Variants in MYO18B observed in about 807,000 individuals in gnomAD.
The protein encoded by MYO18B is unconventional myosin-XVIIIb.
A neutral mutation model predicts 273.0 loss-of-function variants in MYO18B; 204 were observed. The ratio of observed to expected loss-of-function variants is 0.75; its 90% CI spans 0.67 to 0.84. The LOEUF is 0.84. Among genes scored for constraint, MYO18B ranks in the 40% least tolerant of loss-of-function variants. The pLI, the probability that MYO18B is intolerant of heterozygous loss-of-function variation, is 0.00. For synonymous variants in MYO18B, 1,330 were observed against 1,305.7 expected (o/e 1.02, Z -0.40); for missense variants, 3,212 against 3,287.6 (o/e 0.98, Z 0.56).
At chr22:26,032,841 G>T (rs150308841), downstream of MYO18B, among the ~76,000 whole-genome samples, 159 of 152,224 alleles carry the variant, frequency 1.0e-3, no homozygotes, top group African/African-American at 3.8e-3. Context: ...CTGTCACATT[G>T]TAAGGTATGG....
intron 42 of MYO18B, among the ~76,000 whole-genome samples, chr22:26,013,651 C>T (rs1335946243): frequency 2.0e-5 from 3 of 152,194 alleles, no homozygotes; most frequent in African/African-American, 7.2e-5. Flanking sequence ...AATGAATGTT[C>T]TGGTTGCTCT....
rs34887758 is a variant in MYO18B, at chr22:25,835,354, A to T, written c.3119A>T (p.Asp1040Val). The change falls in exon 17 of 44, where the codon GAT (aspartate) becomes GTT (valine). Residue 1040 changes from aspartate (D) to valine (V), a missense_variant. Asp to Val is a radical substitution (Grantham distance 152). Coordinates refer to ENST00000335473, the MANE Select transcript of MYO18B (RefSeq NM_032608.7). ...QDARGLFWVL[D>V]EEVHVEGSSD... ...GCCAGAGGCCTTTTCTGGGTCTTAG[A>T]TGAGGAAGTCCATGTAGAGGGCTCC... is the stretch of plus-strand genomic sequence containing the variant. 5 of 1,613,928 alleles carry T rather than the reference A, an allele frequency of 3.1e-6. No homozygotes were observed. The highest frequency in any genetic ancestry group is 4.2e-6 in the Non-Finnish European group (5 of 1,179,868).
At chr22:25,889,656 T>C (rs920796565) in intron 25 of MYO18B, among the ~76,000 whole-genome samples, 3 of 151,894 alleles carry the variant, frequency 2.0e-5, no homozygotes, top group African/African-American at 7.3e-5. Context: ...CTCTTAGCCA[T>C]AAACACTCCA....
intron 34 of MYO18B, among the ~76,000 whole-genome samples, chr22:25,928,507 G>A (rs897684399): frequency 1.3e-5 from 2 of 151,382 alleles, no homozygotes; most frequent in Non-Finnish European, 2.9e-5. Flanking sequence ...CTTAGCTACA[G>A]CATCTTCTCT....
chr22:25,928,594 C>T (rs979894689), intron 34 of MYO18B, among the ~76,000 whole-genome samples: 2 of 151,986 alleles, frequency 1.3e-5, no homozygotes, highest in African/African-American at 2.4e-5. Context: ...TCTTTTCTCC[C>T]AGTTTCCCTC....
intron 34 of MYO18B, among the ~76,000 whole-genome samples, chr22:25,927,361 C>G (rs1023828598): frequency 6.6e-6 from 1 of 152,126 alleles, no homozygotes. Flanking sequence ...AAACAGCCCC[C>G]CTAGGTGCGC....
At chr22:26,042,720 C>CTCAT in the MYO18B span, among the ~76,000 whole-genome samples, 1 of 152,226 alleles carries the variant, frequency 6.6e-6, no homozygotes, top group Admixed American at 6.5e-5. Flanking sequence ...TCTTCAAACA[C>CTCAT]TCATTCATTC....
intron 1 of MYO18B, among the ~76,000 whole-genome samples, chr22:25,745,460 TTC>T (rs1006991090): frequency 1.5e-5 from 2 of 131,392 alleles, no homozygotes; most frequent in Non-Finnish European, 3.3e-5. Context: ...CAAGGTAGAT[TTC>T]TCTCTCTCTG....
In MYO18B at chr22:25,754,665, G is replaced by A. The variant is rs78959641; in HGVS notation, c.-109-6319G>A. Among the ~76,000 whole-genome samples, 1,343 of 152,308 alleles carry A rather than the reference G, an allele frequency of 8.8e-3. 29 individuals are homozygous for A. The highest frequency in any genetic ancestry group is 0.03 in the African/African-American group (1,249 of 41,552). ...TAAAACAGCAGCTGACGAGGCAGGT[G>A]TATGTTTTGGGCCCGGACCGGAGTA... On this transcript the variant is annotated intron_variant, in intron 1 of 43. Transcript: ENST00000335473.
At chr22:25,754,793 G>A (rs2086058160) in intron 1 of MYO18B, among the ~76,000 whole-genome samples, 1 of 152,190 alleles carries the variant, frequency 6.6e-6, no homozygotes, top group Non-Finnish European at 1.5e-5. Context: ...CCTCTGAGGG[G>A]GCAGGACATG....
chr22:25,829,050 C>G, intron 15 of MYO18B, 82 bp downstream of exon 15: 1 of 1,429,094 alleles, frequency 7.0e-7, no homozygotes, highest in Non-Finnish European at 9.5e-7. Context: ...GATTCCCATT[C>G]CCCAGGAGCC....
intron 1 of MYO18B, among the ~76,000 whole-genome samples, chr22:25,750,766 G>A (rs1268648479): frequency 6.6e-6 from 1 of 152,250 alleles, no homozygotes; most frequent in African/African-American, 2.4e-5. Flanking sequence ...GCTGCAGGAG[G>A]CTGTCATAGA....
intron 40 of MYO18B, among the ~76,000 whole-genome samples, chr22:26,000,135 CA>C (rs1569281672): frequency 6.6e-6 from 1 of 152,254 alleles, no homozygotes; most frequent in African/African-American, 2.4e-5. Context: ...TGTGTTGGGA[CA>C]GGGGGTACAG....
intron 24 of MYO18B, chr22:25,876,890 C>A (rs112555771): frequency 6.6e-6 from 1 of 152,138 alleles, no homozygotes; most frequent in African/African-American, 2.4e-5. Flanking sequence ...AAAATCTTGC[C>A]GTTTCCATTC....
intron 11 of MYO18B, among the ~76,000 whole-genome samples, chr22:25,792,061 G>A (rs1330165534): frequency 1.3e-5 from 2 of 152,166 alleles, no homozygotes; most frequent in East Asian, 1.9e-4. Context: ...TCTGGTCCAC[G>A]TTCACTCTTG....
chr22:25,849,438 C>G (rs943489579), intron 20 of MYO18B, among the ~76,000 whole-genome samples: 5 of 151,966 alleles, frequency 3.3e-5, no homozygotes, highest in African/African-American at 1.2e-4. Context: ...TACACAGATA[C>G]GTCAAATATT....
intron 40 of MYO18B, among the ~76,000 whole-genome samples, chr22:25,999,003 G>C (rs4822680): frequency 0.48 from 73,548 of 152,054 alleles, 19,919 homozygotes; most frequent in African/African-American, 0.72. Flanking sequence ...AATGATAATT[G>C]TAACAATAGG....
intron 15 of MYO18B, among the ~76,000 whole-genome samples, chr22:25,831,157 TC>T (rs1289088160): frequency 6.6e-6 from 1 of 152,218 alleles, no homozygotes; most frequent in East Asian, 1.9e-4. Flanking sequence ...TTTTGGATCT[TC>T]CTGTATATAT....
intron 29 of MYO18B, chr22:25,900,519 G>A (rs907479960): frequency 6.6e-6 from 1 of 152,418 alleles, no homozygotes; most frequent in Admixed American, 6.5e-5. Context: ...TTTCATTTTG[G>A]TTGGATTGTT....
Sources: gnomAD v4.1 joint callset for allele counts (sites outside exome capture counted in the v4.1 genomes callset) on GRCh38, gnomAD v4.1.1 for gene constraint, MANE v1.5 for transcripts, NCBI Gene and HGNC (gene_info 2026-07-23, HGNC 2026-07-21) for gene names.